The following BLTP1 variants were observed in gnomAD, a reference collection of about 807,000 sequenced individuals.
BLTP1 encodes the protein fragile site-associated protein.
At chr4:122,265,778 A>C in the BLTP1 span, among the ~76,000 whole-genome samples, 1 of 152,150 alleles carries the variant, frequency 6.6e-6, no homozygotes, top group Non-Finnish European at 1.5e-5. Flanking sequence ...GGCTCACTGC[A>C]AGCTCCACCT....
chr4:122,263,485 A>G, the BLTP1 span: 1 of 1,610,604 alleles, frequency 6.2e-7, no homozygotes, highest in East Asian at 2.2e-5. Context: ...ATCCCTTGCT[A>G]TCTGAGCCAT....
the BLTP1 span, chr4:122,199,240 G>A: frequency 7.2e-3 from 10,134 of 1,403,898 alleles, 617 homozygotes; most frequent in African/African-American, 0.13. Context: ...TGTTTAAATA[G>A]TGACTACCAT....
chr4:122,333,714 C>T, the BLTP1 span: 1 of 1,612,118 alleles, frequency 6.2e-7, no homozygotes, highest in African/African-American at 1.3e-5. Context: ...TTCTACCACC[C>T]ATTTAATGAC....
chr4:122,270,498 T>G, the BLTP1 span: 1 of 303,946 alleles, frequency 3.3e-6, no homozygotes, highest in Admixed American at 6.5e-5. Flanking sequence ...CCAAAATAAT[T>G]TTTTTATCAG....
the BLTP1 span, chr4:122,170,821 G>T: frequency 1.1e-6 from 1 of 918,942 alleles, no homozygotes; most frequent in South Asian, 1.8e-5. Context: ...AACAGTGGTT[G>T]ACTGAAGTTG....
chr4:122,168,524 A>C, the BLTP1 span, among the ~76,000 whole-genome samples: 5 of 152,146 alleles, frequency 3.3e-5, no homozygotes, highest in Admixed American at 2.0e-4. Context: ...TAATATGTGA[A>C]TATTTGGTTT....
At chr4:122,315,412 A>C in the BLTP1 span, 5 of 1,605,468 alleles carry the variant, frequency 3.1e-6, no homozygotes, top group Non-Finnish European at 4.3e-6. Flanking sequence ...AAGTTATTTC[A>C]ATTTCTATAC....
the BLTP1 span, among the ~76,000 whole-genome samples, chr4:122,332,500 G>A: frequency 9.2e-5 from 14 of 151,944 alleles, no homozygotes; most frequent in African/African-American, 3.1e-4. Context: ...GTATAGTTAC[G>A]GAACATACAA....
At chr4:122,251,683 C>T in the BLTP1 span, 2 of 842,434 alleles carry the variant, frequency 2.4e-6, no homozygotes, top group Non-Finnish European at 2.9e-6. Context: ...TCCTACTCTT[C>T]TTGCTGAAAG....
At chr4:122,236,659 T>C in the BLTP1 span, 1 of 653,912 alleles carries the variant, frequency 1.5e-6, no homozygotes, top group Admixed American at 6.3e-5. Flanking sequence ...TTGCTTGATT[T>C]TCAAAGATTA....
chr4:122,343,972 T>G, the BLTP1 span: 1 of 927,328 alleles, frequency 1.1e-6, no homozygotes, highest in Non-Finnish European at 1.3e-6. Flanking sequence ...GGGTCACAAT[T>G]GTTAATTTAA....
the BLTP1 span, chr4:122,308,245 A>ATTT: frequency 6.9e-7 from 1 of 1,442,042 alleles, no homozygotes; most frequent in Non-Finnish European, 9.5e-7. Context: ...ATAACAGTAC[A>ATTT]TTTTTCAGTG....
chr4:122,351,850 A>G, the BLTP1 span, among the ~76,000 whole-genome samples: 264 of 152,354 alleles, frequency 1.7e-3, 1 homozygote, highest in African/African-American at 6.1e-3. Context: ...TTTAAAGGAA[A>G]ACATAATAAA....
At chr4:122,247,891 T>C in the BLTP1 span, 1 of 971,672 alleles carries the variant, frequency 1.0e-6, no homozygotes. Context: ...ATTTTATCAT[T>C]TAGATGCTTA....
At chr4:122,306,074 C>G in the BLTP1 span, 2 of 1,560,112 alleles carry the variant, frequency 1.3e-6, no homozygotes, top group Non-Finnish European at 8.6e-7. Context: ...CTACTATCCT[C>G]TGGGATCTAG....
chr4:122,186,251 ACT>A, the BLTP1 span: 6 of 1,566,514 alleles, frequency 3.8e-6, no homozygotes, highest in Non-Finnish European at 5.2e-6. Context: ...ATTTTATTAA[ACT>A]CTAGCATTTA....
At chr4:122,187,240 G>C in the BLTP1 span, 1 of 979,934 alleles carries the variant, frequency 1.0e-6, no homozygotes, top group Non-Finnish European at 1.2e-6. Context: ...TATGATAAGA[G>C]TGCTCCAGTA....
At chr4:122,197,704 G>A in the BLTP1 span, among the ~76,000 whole-genome samples, 36 of 152,120 alleles carry the variant, frequency 2.4e-4, no homozygotes, top group African/African-American at 8.7e-4. Flanking sequence ...TTTCGTCAGG[G>A]AGTAAGCCGG....
chr4:122,186,257 G>A, the BLTP1 span: 8 of 1,550,556 alleles, frequency 5.2e-6, no homozygotes, highest in African/African-American at 5.6e-5. Context: ...TTAAACTCTA[G>A]CATTTAAACA....
Sources: allele counts gnomAD v4.1 joint callset (sites outside exome capture counted in the v4.1 genomes callset), GRCh38; gene constraint gnomAD v4.1.1; transcripts MANE v1.5; gene names NCBI Gene and HGNC (gene_info 2026-07-23, HGNC 2026-07-21).